CHST9: variants seen among roughly 807,000 people sequenced by gnomAD.
CHST9 encodes carbohydrate sulfotransferase 9.
In CHST9, 41 loss-of-function variants were observed where a neutral mutation model predicts 44.4. The ratio of observed to expected loss-of-function variants is 0.92; its 90% CI spans 0.72 to 1.20. The LOEUF (loss-of-function observed/expected upper bound fraction) is 1.20. CHST9 is among the 50% of genes most tolerant of loss of function. The pLI is 0.00. For synonymous variants in CHST9, 171 were observed against 178.4 expected (o/e 0.96, Z 0.33); for missense variants, 504 against 516.5 (o/e 0.98, Z 0.23).
At chr18:27,100,936 T>C (rs1027201707) in intron 2 of CHST9, among the ~76,000 whole-genome samples, 7 of 152,202 alleles carry the variant, frequency 4.6e-5, no homozygotes, top group South Asian at 2.1e-4. Flanking sequence ...ACAGAGGAGA[T>C]TGTTGCAGCC....
intron 5 of CHST9, among the ~76,000 whole-genome samples, chr18:26,937,193 T>C (rs1408861660): frequency 6.6e-6 from 1 of 152,236 alleles, no homozygotes; most frequent in Non-Finnish European, 1.5e-5. Context: ...TTAATCTCTT[T>C]TCAGGTGACA....
chr18:27,182,756 C>T (rs1325563431), intron 1 of CHST9, among the ~76,000 whole-genome samples: 1 of 152,166 alleles, frequency 6.6e-6, no homozygotes, highest in Non-Finnish European at 1.5e-5. Flanking sequence ...CATCCCAACT[C>T]ATCCAGATTC....
intron 2 of CHST9, among the ~76,000 whole-genome samples, chr18:27,084,471 T>TC (rs398032264): frequency 6.0e-5 from 9 of 151,046 alleles, no homozygotes; most frequent in South Asian, 4.2e-4. Flanking sequence ...TTTTTTTTTT[T>TC]ATTTCTGTGG....
chr18:27,104,986 C>T (rs767333079), intron 2 of CHST9, among the ~76,000 whole-genome samples: 4 of 152,054 alleles, frequency 2.6e-5, no homozygotes, highest in Admixed American at 1.3e-4. Flanking sequence ...AGGAACTGTT[C>T]GCCTTCCAGT....
At chr18:27,170,219 G>A (rs1219858380) in intron 1 of CHST9, among the ~76,000 whole-genome samples, 1 of 152,120 alleles carries the variant, frequency 6.6e-6, no homozygotes, top group East Asian at 1.9e-4. Context: ...CATCTTCATG[G>A]CCTGGTCCCT....
chr18:26,987,471 GAA>G (rs2056767525), intron 4 of CHST9, among the ~76,000 whole-genome samples: 1 of 151,956 alleles, frequency 6.6e-6, no homozygotes, highest in South Asian at 2.1e-4. Context: ...ATAAAAAACC[GAA>G]AAAAGTTGTT....
At chr18:27,000,912 G>A (rs2145226408) in intron 4 of CHST9, among the ~76,000 whole-genome samples, 1 of 152,248 alleles carries the variant, frequency 6.6e-6, no homozygotes, top group South Asian at 2.1e-4. Context: ...TCTCTGAATT[G>A]TCTAATCACA....
chr18:27,031,631 G>A (rs1367839292), intron 3 of CHST9, among the ~76,000 whole-genome samples: 1 of 152,088 alleles, frequency 6.6e-6, no homozygotes, highest in Admixed American at 6.5e-5. Context: ...CAAAAACCTT[G>A]CTTTTTCCTT....
At chr18:27,089,203 C>A (rs1161820502) in intron 2 of CHST9, among the ~76,000 whole-genome samples, 35 of 151,744 alleles carry the variant, frequency 2.3e-4, no homozygotes, top group Non-Finnish European at 1.5e-5. Context: ...AGGTTTGATA[C>A]ATAGGTATGT....
At chr18:26,962,748 C>T (rs2056416547) in intron 4 of CHST9, among the ~76,000 whole-genome samples, 1 of 152,256 alleles carries the variant, frequency 6.6e-6, no homozygotes, top group East Asian at 1.9e-4. Flanking sequence ...ATCACCATCG[C>T]CTGGGGTAGT....
intron 2 of CHST9, among the ~76,000 whole-genome samples, chr18:27,064,389 A>G (rs978773470): frequency 6.6e-6 from 1 of 152,116 alleles, no homozygotes; most frequent in Non-Finnish European, 1.5e-5. Flanking sequence ...ACCATGATTA[A>G]TACAAGCAGA....
chr18:27,166,878 C>T (rs1162494514), intron 1 of CHST9, among the ~76,000 whole-genome samples: 1 of 152,010 alleles, frequency 6.6e-6, no homozygotes, highest in Non-Finnish European at 1.5e-5. Flanking sequence ...AAATGAAGAC[C>T]CGAAGATGCA....
chr18:27,115,482 T>A (rs751318615), intron 2 of CHST9, among the ~76,000 whole-genome samples: 1 of 152,090 alleles, frequency 6.6e-6, no homozygotes, highest in African/African-American at 2.4e-5. Flanking sequence ...CCAAGTAATA[T>A]ATAAAATTCC....
chr18:27,092,802 C>T (rs2058082158), intron 2 of CHST9, among the ~76,000 whole-genome samples: 1 of 152,186 alleles, frequency 6.6e-6, no homozygotes, highest in South Asian at 2.1e-4. Context: ...GCACTGTGGT[C>T]TGAGAGACAG....
intron 4 of CHST9, among the ~76,000 whole-genome samples, chr18:27,004,530 C>T (rs948169295): frequency 7.9e-5 from 12 of 151,950 alleles, no homozygotes; most frequent in African/African-American, 2.9e-4. Flanking sequence ...ATCCTTATGT[C>T]GATAAATGTA....
At chr18:26,942,935 T>A (rs2056105564) in intron 5 of CHST9, among the ~76,000 whole-genome samples, 1 of 151,936 alleles carries the variant, frequency 6.6e-6, no homozygotes, top group Non-Finnish European at 1.5e-5. Context: ...TGGTGAAACC[T>A]GGTCTCTACT....
intron 2 of CHST9, among the ~76,000 whole-genome samples, chr18:27,050,659 C>T (rs1371782294): frequency 2.0e-5 from 3 of 152,110 alleles, no homozygotes; most frequent in East Asian, 1.9e-4. Flanking sequence ...TTGTTTGATG[C>T]AATTTATTTC....
At chr18:27,162,032 A>C (rs1356499426) in intron 1 of CHST9, among the ~76,000 whole-genome samples, 1 of 152,118 alleles carries the variant, frequency 6.6e-6, no homozygotes, top group Non-Finnish European at 1.5e-5. Flanking sequence ...TCCTGAATAC[A>C]GCACACTGAT....
chr18:27,098,841 C>A lies in CHST9; in HGVS notation c.121+43848G>T, dbSNP rs202118731. On this transcript the variant is annotated intron_variant, in intron 2 of 5. Coordinates refer to ENST00000618847, the MANE Select transcript of CHST9 (RefSeq NM_031422.6). ...TTCACAGAACTGGAAAAAAAAAAAA[C>A]AAACCTATCCTAAAACTCACTTCAA... Among the ~76,000 whole-genome samples, 747 of 139,102 alleles carry A rather than the reference C, an allele frequency of 5.4e-3. 12 individuals are homozygous for A. The East Asian group carries it at 0.09, about 17-fold the overall frequency. 91.3% of individuals were successfully genotyped at this position (139,102 alleles called of 152,430 possible). A position where few individuals can be genotyped will look rare whatever the true frequency, so the allele number is the denominator to read the frequency against.
Sources: allele counts gnomAD v4.1 joint callset (sites outside exome capture counted in the v4.1 genomes callset), GRCh38; gene constraint gnomAD v4.1.1; transcripts MANE v1.5; gene names NCBI Gene and HGNC (gene_info 2026-07-23, HGNC 2026-07-21).